Variants in TIAM2 observed in about 807,000 individuals in gnomAD.
The protein encoded by TIAM2 is rho guanine nucleotide exchange factor TIAM2.
Under a neutral mutation model 152.9 loss-of-function variants are expected in TIAM2, and 80 were observed. The observed-to-expected ratio is 0.52, with a 90% CI of 0.44 to 0.63. The LOEUF (loss-of-function observed/expected upper bound fraction) is 0.63, where lower values mean the gene tolerates loss of function less well. Ranked by LOEUF, TIAM2 falls within the 30% of genes least tolerant of loss-of-function variation. The pLI is 0.00. For synonymous variants in TIAM2, 804 were observed against 838.0 expected (o/e 0.96, Z 0.70); for missense variants, 1,965 against 2,120.1 (o/e 0.93, Z 1.44).
At chr6:155,127,121 G>A (rs1779313010) in intron 2 of TIAM2, among the ~76,000 whole-genome samples, 1 of 152,208 alleles carries the variant, frequency 6.6e-6, no homozygotes, top group South Asian at 2.1e-4. Context: ...GTCAAATAGA[G>A]AACAAGGGCC....
rs939680239 is a variant in TIAM2 at position 155,153,587 on chromosome 6, C to A, written c.2028+5253C>A. Among the ~76,000 whole-genome samples the A allele has an allele frequency of 2.7e-5, 4 of 149,122 alleles. No individual in the cohort carries two copies. The Admixed American group carries it at 2.7e-4, about 10-fold the overall frequency. ...TTTGCTGTGCCCGCTGTCCTTGCAT[C>A]CTTTGTCAGCAGGTTGTAAAGGAGC... On this transcript the variant is annotated intron_variant, in intron 7 of 26. Coordinates refer to ENST00000682666, the MANE Select transcript of TIAM2 (RefSeq NM_012454.4).
At chr6:155,146,682 G>C (rs1242025170) in intron 6 of TIAM2, among the ~76,000 whole-genome samples, 1 of 151,698 alleles carries the variant, frequency 6.6e-6, no homozygotes, top group East Asian at 1.9e-4. Flanking sequence ...TGCAACCTCT[G>C]CCTCCCCGGT....
intron 1 of TIAM2, among the ~76,000 whole-genome samples, chr6:155,061,345 A>T (rs1010238617): frequency 1.1e-4 from 16 of 149,936 alleles, no homozygotes; most frequent in Non-Finnish European, 1.6e-4. Flanking sequence ...ATCTCTAGAT[A>T]CACACATGTA....
chr6:155,024,451 G>A (rs147172132), intron 1 of TIAM2, among the ~76,000 whole-genome samples: 1,650 of 152,026 alleles, frequency 0.011, 36 homozygotes, highest in African/African-American at 0.038. Flanking sequence ...TAAAAGCTGG[G>A]TTTAGGAATT....
intron 1 of TIAM2, among the ~76,000 whole-genome samples, chr6:155,043,429 C>G (rs143227738): frequency 6.6e-6 from 1 of 151,852 alleles, no homozygotes; most frequent in Non-Finnish European, 1.5e-5. Flanking sequence ...TCCAGGAGTT[C>G]GAGACTAGCC....
At chr6:155,217,018 A>G in intron 15 of TIAM2, 2 of 1,282,480 alleles carry the variant, frequency 1.6e-6, no homozygotes, top group Non-Finnish European at 2.0e-6. Flanking sequence ...ATCTCCCAAC[A>G]GCCGACTTAG....
At chr6:155,094,734 T>TTG (rs1554229782) in intron 2 of TIAM2, among the ~76,000 whole-genome samples, 1 of 128,616 alleles carries the variant, frequency 7.8e-6, no homozygotes, top group African/African-American at 2.8e-5. Flanking sequence ...GTTTTTTTTT[T>TTG]TTTGTTTTTT....
chr6:155,141,826 A>G (rs1779713849), intron 5 of TIAM2, among the ~76,000 whole-genome samples: 1 of 152,206 alleles, frequency 6.6e-6, no homozygotes, highest in South Asian at 2.1e-4. Flanking sequence ...AAAGGGTCTC[A>G]TAGAAAAGGT....
At chr6:155,087,973 C>T (rs1338621774) in intron 1 of TIAM2, among the ~76,000 whole-genome samples, 1 of 151,786 alleles carries the variant, frequency 6.6e-6, no homozygotes, top group Non-Finnish European at 1.5e-5. Context: ...TGGGTCCATC[C>T]CAATCCTGAT....
At chr6:155,058,165 A>G (rs755930315) in intron 1 of TIAM2, among the ~76,000 whole-genome samples, 12 of 152,136 alleles carry the variant, frequency 7.9e-5, no homozygotes, top group Non-Finnish European at 1.8e-4. Context: ...TTAGAATGCT[A>G]TTAGAAACCA....
intron 2 of TIAM2, among the ~76,000 whole-genome samples, chr6:155,107,991 TA>T (rs1778740735): frequency 6.6e-6 from 1 of 152,202 alleles, no homozygotes; most frequent in African/African-American, 2.4e-5. Context: ...TAGGGAGCTT[TA>T]TTGAAGTCAT....
intron 1 of TIAM2, among the ~76,000 whole-genome samples, chr6:155,072,863 G>A (rs1777871123): frequency 6.6e-6 from 1 of 152,132 alleles, no homozygotes; most frequent in African/African-American, 2.4e-5. Flanking sequence ...TGTCGTCAGG[G>A]AGCCACTGAA....
intron 1 of TIAM2, among the ~76,000 whole-genome samples, chr6:155,061,159 G>T (rs1394724974): frequency 6.6e-6 from 1 of 152,070 alleles, no homozygotes; most frequent in Non-Finnish European, 1.5e-5. Context: ...GAGCTAGGAA[G>T]TTTTTGTATG....
intron 10 of TIAM2, among the ~76,000 whole-genome samples, chr6:155,177,561 G>A (rs1780786584): frequency 6.6e-6 from 1 of 152,182 alleles, no homozygotes; most frequent in Non-Finnish European, 1.5e-5. Flanking sequence ...CCACCAGGTG[G>A]TGCAGTAGAG....
At chr6:155,233,946 G>C (rs775836091) in intron 15 of TIAM2, among the ~76,000 whole-genome samples, 5 of 149,924 alleles carry the variant, frequency 3.3e-5, no homozygotes, top group Non-Finnish European at 5.9e-5. Flanking sequence ...CTGGGTGGCA[G>C]AGTGAGACCC....
chr6:155,104,779 G>A (rs117539765), intron 2 of TIAM2, among the ~76,000 whole-genome samples: 2,799 of 146,946 alleles, frequency 0.019, 43 homozygotes, highest in Non-Finnish European at 0.033. Flanking sequence ...AAATTATAAA[G>A]CATACCTTCA....
Position 155,137,407 on chromosome 6 carries a change from C to T in TIAM2, c.1425C>T (p.Asn475=). Residue 475 remains asparagine (N), a synonymous_variant, in exon 5 of 27, where the codon AAC becomes AAT. Coordinates refer to ENST00000682666, the MANE Select transcript of TIAM2 (RefSeq NM_012454.4). The part of the protein sequence containing the change: ...ELEMSRTNTE[N]IETSTETAES... ...AAATGAGCAGGACCAACACTGAGAA[C>T]ATAGAAACATCTACAGAAACCGCCG... 2.5e-6 allele frequency: 4 copies of T among 1,614,192 alleles called. No individual in the cohort carries two copies. The highest frequency in any genetic ancestry group is 2.7e-5 in the African/African-American group (2 of 75,044).
rs544979393 is a variant in TIAM2, at chr6:155,158,017, A to G, written c.2029-6398A>G. On this transcript the variant is annotated intron_variant, in intron 7 of 26. Transcript: ENST00000682666. ...ATACTGTTAAACTTGAGTGTCATCTATGTCACTAGCTGGTTCTTCTGTGAA... is the reference window on the plus strand; with the variant it reads ...ATACTGTTAAACTTGAGTGTCATCTGTGTCACTAGCTGGTTCTTCTGTGAA... Among the ~76,000 whole-genome samples, 6 of 152,338 alleles carry G rather than the reference A, an allele frequency of 3.9e-5. 1 individual carries two copies. In the East Asian group the frequency reaches 7.7e-4, roughly 20 times the overall value.
intron 1 of TIAM2, among the ~76,000 whole-genome samples, chr6:155,065,013 T>C (rs1777660278): frequency 6.6e-6 from 1 of 152,140 alleles, no homozygotes; most frequent in South Asian, 2.1e-4. Flanking sequence ...TGGAGTGCAG[T>C]GGTGCAATCT....
Sources: allele counts gnomAD v4.1 joint callset (sites outside exome capture counted in the v4.1 genomes callset), GRCh38; gene constraint gnomAD v4.1.1; transcripts MANE v1.5; gene names NCBI Gene and HGNC (gene_info 2026-07-23, HGNC 2026-07-21).